The following DRC3 variants were observed in gnomAD, a reference collection of about 807,000 sequenced individuals.
DRC3 encodes the protein dynein regulatory complex subunit 3, also known as leucine rich repeat containing 48.
Under a neutral mutation model 57.6 loss-of-function variants are expected in DRC3, and 45 were observed. The observed-to-expected ratio is 0.78, with a 90% CI of 0.62 to 1.00. The LOEUF (loss-of-function observed/expected upper bound fraction) is 1.00, where lower values mean the gene tolerates loss of function less well. Among genes scored for constraint, DRC3 ranks in the 50% least tolerant of loss-of-function variants. The pLI is 0.00. For missense variants in DRC3, 655 were observed against 675.2 expected (o/e 0.97, Z 0.33); for synonymous variants, 257 against 272.3 (o/e 0.94, Z 0.55).
intron 5 of DRC3, among the ~76,000 whole-genome samples, chr17:17,990,544 G>A (rs964179133): frequency 3.9e-5 from 6 of 152,122 alleles, no homozygotes; most frequent in Non-Finnish European, 5.9e-5. Context: ...GCTCTTCTGC[G>A]GCTGGCTCCC....
At chr17:17,988,175 C>A in intron 5 of DRC3, 77 bp downstream of exon 5, 2 of 1,439,216 alleles carry the variant, frequency 1.4e-6, no homozygotes, top group Non-Finnish European at 1.9e-6. Context: ...GGGTCTGTGG[C>A]TAGGGGAAGT....
chr17:17,974,528 T>C (rs2042297828), intron 2 of DRC3, among the ~76,000 whole-genome samples: 2 of 152,204 alleles, frequency 1.3e-5, no homozygotes, highest in Admixed American at 1.3e-4. Flanking sequence ...TGCACCACCA[T>C]GCCCAGCTAA....
chr17:17,991,803 T>G (rs2043245346), intron 5 of DRC3, among the ~76,000 whole-genome samples: 1 of 152,178 alleles, frequency 6.6e-6, no homozygotes, highest in Non-Finnish European at 1.5e-5. Flanking sequence ...TGGGTCCCAT[T>G]TAATTTAAGA....
chr17:17,994,541 C>G (rs531359847), intron 7 of DRC3, 123 bp downstream of exon 7: 511 of 1,344,132 alleles, frequency 3.8e-4, no homozygotes, highest in Non-Finnish European at 4.6e-4. Context: ...GCTCCCTCCA[C>G]AGGGCCTGAT....
At chr17:17,997,234 T>C (rs1292406508) in intron 8 of DRC3, among the ~76,000 whole-genome samples, 1 of 152,176 alleles carries the variant, frequency 6.6e-6, no homozygotes, top group Non-Finnish European at 1.5e-5. Flanking sequence ...TCCCTCAGGC[T>C]GAGGGTGGGG....
At chr17:18,007,755 T>C (rs2044034051) in intron 12 of DRC3, 3 of 1,150,586 alleles carry the variant, frequency 2.6e-6, no homozygotes, top group East Asian at 5.3e-5. Flanking sequence ...CAGACAGAGA[T>C]ACTATGTTGT....
chr17:17,993,706 A>G (rs1568492793), intron 6 of DRC3: 1 of 153,528 alleles, frequency 6.5e-6, no homozygotes, highest in Non-Finnish European at 1.4e-5. Flanking sequence ...AGGATTGCCA[A>G]TTGGCAGTAG....
chr17:17,977,812 TC>T, intron 3 of DRC3, 54 bp downstream of exon 3: 1 of 1,504,654 alleles, frequency 6.6e-7, no homozygotes, highest in Non-Finnish European at 8.9e-7. Flanking sequence ...CCTGGCTTTC[TC>T]TGCTCCATCT....
chr17:17,988,331 C>T lies in DRC3; in HGVS notation c.444+233C>T, dbSNP rs961508037. The T allele has an allele frequency of 9.3e-6, 5 of 539,430 alleles. No individual in the cohort carries two copies. In the African/African-American group the frequency reaches 9.5e-5, roughly 10 times the overall value. The allele number at this position is 539,430 out of a possible 1,614,324, so 33.4% of individuals were successfully genotyped here. A position where few individuals can be genotyped will look rare whatever the true frequency, so the allele number is the denominator to read the frequency against. The stretch of plus-strand genomic sequence containing the variant: ...TAGTTTACAACCTCCACATTAGTGG[C>T]GGTTCTTTCCCTGTGTCTTGCACTT... On this transcript the variant is annotated intron_variant, in intron 5 of 13. Coordinates refer to ENST00000399187, the MANE Select transcript of DRC3 (RefSeq NM_031294.4).
intron 12 of DRC3, 34 bp downstream of exon 12, chr17:18,007,181 T>TGGGGCGGGGCGGGGGGGGGGG: frequency 2.4e-5 from 1 of 41,656 alleles, no homozygotes; most frequent in Non-Finnish European, 3.9e-5. Context: ...GCCTGACAGA[T>TGGGGCGGGGCGGGGGGGGGGG]GTGGTCCAGC....
At chr17:18,006,649 A>G in intron 11 of DRC3, 1 of 364,114 alleles carries the variant, frequency 2.7e-6, no homozygotes. Flanking sequence ...CATGGGGCAA[A>G]CTGCTGTGCT....
chr17:17,997,042 C>T (rs1415121859), intron 8 of DRC3, among the ~76,000 whole-genome samples: 1 of 152,180 alleles, frequency 6.6e-6, no homozygotes, highest in Non-Finnish European at 1.5e-5. Flanking sequence ...TAAGGGTGCC[C>T]TTCCAGATAG....
At chr17:18,011,701 C>T (rs2145447701) in intron 12 of DRC3, 1 of 208,734 alleles carries the variant, frequency 4.8e-6, no homozygotes, top group Non-Finnish European at 1.0e-5. Flanking sequence ...TAGCTACCTG[C>T]CCCCTGACCT....
intron 8 of DRC3, 55 bp downstream of exon 8, chr17:17,995,166 C>A: frequency 7.6e-7 from 1 of 1,316,540 alleles, no homozygotes; most frequent in Non-Finnish European, 1.1e-6. Flanking sequence ...CCTGCCTTGG[C>A]AAGGCCCCTT....
intron 1 of DRC3, 138 bp downstream of exon 1, chr17:17,973,112 C>G: frequency 7.6e-6 from 1 of 131,288 alleles, no homozygotes; most frequent in South Asian, 3.4e-4. Flanking sequence ...AGGTCCTCTC[C>G]CAGCCACTTT....
intron 9 of DRC3, among the ~76,000 whole-genome samples, chr17:18,001,475 C>A (rs1239886723): frequency 6.6e-6 from 1 of 152,164 alleles, no homozygotes; most frequent in South Asian, 2.1e-4. Context: ...TGCATTCCAG[C>A]CTGGGCAATA....
chr17:17,990,596 G>C (rs1324196790), intron 5 of DRC3, among the ~76,000 whole-genome samples: 1 of 152,216 alleles, frequency 6.6e-6, no homozygotes, highest in African/African-American at 2.4e-5. Flanking sequence ...AGAGACCTCT[G>C]AATCTCCTAA....
rs149293048 is a variant in DRC3, at chr17:18,000,985, G to A, written c.999+3351G>A. On this transcript the variant is annotated intron_variant, in intron 9 of 13. Transcript: ENST00000399187. ...CACCATTATAGCTCACTGCAGCCTT[G>A]AACTCCTGGGCTCAAGCAATCCTCG... Among the ~76,000 whole-genome samples the A allele has an allele frequency of 2.7e-3, 412 of 152,110 alleles. 1 individual carries two copies. The highest frequency in any genetic ancestry group is 4.8e-3 in the Admixed American group (73 of 15,242).
In DRC3 at chr17:18,016,726, G is replaced by A. The variant is rs1157426664; in HGVS notation, c.*55G>A. ...AACATAGCACCAGCCCCAGCCAGGA[G>A]AAGGAAGTGCACACGCCTCACCCGC... On this transcript the variant is annotated 3_prime_UTR_variant, in exon 14 of 14. Coordinates refer to ENST00000399187, the MANE Select transcript of DRC3 (RefSeq NM_031294.4). 1 of 1,197,584 alleles carries A rather than the reference G, an allele frequency of 8.4e-7. No individual in the cohort carries two copies. The highest frequency in any genetic ancestry group is 1.2e-6 in the Non-Finnish European group (1 of 813,362). The allele number at this position is 1,197,584 out of a possible 1,614,324, so 74.2% of individuals were successfully genotyped here.
Sources: allele counts gnomAD v4.1 joint callset (sites outside exome capture counted in the v4.1 genomes callset), GRCh38; gene constraint gnomAD v4.1.1; transcripts MANE v1.5; gene names NCBI Gene and HGNC (gene_info 2026-07-23, HGNC 2026-07-21).